The following ANKRD44 variants were observed in gnomAD, a reference collection of about 807,000 sequenced individuals.
ANKRD44 encodes serine/threonine-protein phosphatase 6 regulatory ankyrin repeat subunit B.
Under a neutral mutation model 116.0 loss-of-function variants are expected in ANKRD44, and 35 were observed. The ratio of observed to expected loss-of-function variants is 0.30; its 90% CI spans 0.23 to 0.40. The LOEUF (loss-of-function observed/expected upper bound fraction) is 0.40, where lower values mean the gene tolerates loss of function less well. ANKRD44 is among the 10% of genes least tolerant of loss of function. The pLI is 1.00. For synonymous variants in ANKRD44, 435 were observed against 461.8 expected (o/e 0.94, Z 0.74); for missense variants, 1,014 against 1,242.6 (o/e 0.82, Z 2.77).
chr2:197,271,644 CT>C (rs1332680427), intron 1 of ANKRD44, among the ~76,000 whole-genome samples: 3 of 152,134 alleles, frequency 2.0e-5, no homozygotes, highest in Non-Finnish European at 4.4e-5. Context: ...TTGTTGGTTG[CT>C]TTGTTTTTGA....
intron 21 of ANKRD44, among the ~76,000 whole-genome samples, chr2:196,979,501 A>G (rs1279177431): frequency 2.1e-5 from 3 of 143,272 alleles, no homozygotes; most frequent in Non-Finnish European, 4.5e-5. Flanking sequence ...AGCATCAGCT[A>G]TTTTTACTAT....
intron 2 of ANKRD44, among the ~76,000 whole-genome samples, chr2:197,168,861 G>C (rs750913609): frequency 2.0e-5 from 3 of 152,046 alleles, no homozygotes; most frequent in Admixed American, 6.6e-5. Flanking sequence ...CATGGCCACT[G>C]CAAACACCCT....
At chr2:197,094,914 G>T (rs554211459) in intron 10 of ANKRD44, among the ~76,000 whole-genome samples, 1 of 152,144 alleles carries the variant, frequency 6.6e-6, no homozygotes, top group Non-Finnish European at 1.5e-5. Flanking sequence ...GCCCCTTCTC[G>T]ATCTGGCTGT....
In ANKRD44 at chr2:197,212,836, G is replaced by A. The variant is rs1052286497; in HGVS notation, c.28-25730C>T. 6.6e-6 allele frequency among the ~76,000 whole-genome samples: 1 copy of A among 152,110 alleles called. No homozygotes were observed. Among genetic ancestry groups the A allele is most frequent in the African/African-American group, 2.4e-5 (1 of 41,404 alleles). The stretch of plus-strand genomic sequence containing the variant: ...AGGAACTCGGTGATCACATGCCCAC[G>A]GTGAGAGAGAAAAAAGGAAACACGA... On this transcript the variant is annotated intron_variant, in intron 1 of 27. Coordinates refer to ENST00000282272, the MANE Select transcript of ANKRD44 (RefSeq NM_001195144.2). This position sits in a 1 kb window ranked among gnomAD's most constrained non-coding sequence, Gnocchi z 4.8.
intron 3 of ANKRD44, among the ~76,000 whole-genome samples, chr2:197,143,781 C>G (rs1239207747): frequency 6.6e-6 from 1 of 152,116 alleles, no homozygotes; most frequent in Non-Finnish European, 1.5e-5. Flanking sequence ...AGGCACCCAC[C>G]ACCACATTCA....
chr2:197,018,270 C>G (rs1042214016), intron 17 of ANKRD44, among the ~76,000 whole-genome samples: 3 of 152,148 alleles, frequency 2.0e-5, no homozygotes, highest in Non-Finnish European at 4.4e-5. Flanking sequence ...ATACCAATAT[C>G]CAAAACTTTC....
intron 21 of ANKRD44, among the ~76,000 whole-genome samples, chr2:196,981,541 T>C (rs6726500): frequency 0.88 from 133,983 of 152,128 alleles, 59,627 homozygotes; most frequent in East Asian, 1. Flanking sequence ...TGTGGGAGGC[T>C]GAGGCAGGTG....
intron 1 of ANKRD44, among the ~76,000 whole-genome samples, chr2:197,295,576 A>T (rs2105891860): frequency 6.6e-6 from 1 of 152,258 alleles, no homozygotes; most frequent in South Asian, 2.1e-4. Flanking sequence ...GTAGTCTGCA[A>T]CCCCTGGGTT....
At chr2:197,205,235 G>A (rs1169526511) in intron 1 of ANKRD44, among the ~76,000 whole-genome samples, 1 of 152,164 alleles carries the variant, frequency 6.6e-6, no homozygotes, top group Non-Finnish European at 1.5e-5. Flanking sequence ...TGGGTCAAAT[G>A]TTATTTCTGG....
chr2:196,989,612 G>A lies in ANKRD44; in HGVS notation c.2961C>T (p.Thr987=), dbSNP rs1034611916. ...RSNGPRSTPG[T]AVQKEE is the part of the protein sequence containing the mutation. ...AGTCTCATTCTTCTTTTTGTACAGC[G>A]GTTCCAGGTGTGGAACGGGGTCCAT... is the stretch of plus-strand genomic sequence containing the variant. Residue 987 remains threonine, a synonymous_variant, in exon 28 of 28, where the codon ACC becomes ACT. Transcript: ENST00000282272. 27 of 1,549,864 alleles carry A rather than the reference G, an allele frequency of 1.7e-5. No homozygotes were observed. The African/African-American group carries it at 1.9e-4, about 11-fold the overall frequency.
chr2:197,108,909 T>C (rs1574472189), intron 9 of ANKRD44, among the ~76,000 whole-genome samples: 1 of 151,752 alleles, frequency 6.6e-6, no homozygotes, highest in South Asian at 2.1e-4. Flanking sequence ...AGCAAGAATA[T>C]CCAGGCAGGA....
At chr2:197,098,940 G>A (rs757915435) in intron 10 of ANKRD44, among the ~76,000 whole-genome samples, 1 of 152,250 alleles carries the variant, frequency 6.6e-6, no homozygotes, top group Non-Finnish European at 1.5e-5. Flanking sequence ...CCCCTCGGTG[G>A]TGCACAGCAT....
intron 4 of ANKRD44, among the ~76,000 whole-genome samples, chr2:197,132,945 G>A (rs898947811): frequency 6.6e-6 from 1 of 152,192 alleles, no homozygotes; most frequent in South Asian, 2.1e-4. Flanking sequence ...TTTGTATTGT[G>A]CCAAGTTGGC....
chr2:197,064,967 C>G (rs1435567136), intron 16 of ANKRD44, among the ~76,000 whole-genome samples: 1 of 152,168 alleles, frequency 6.6e-6, no homozygotes, highest in East Asian at 1.9e-4. Flanking sequence ...TAGACATCTA[C>G]AGAACTCTCC....
At chr2:196,970,171 C>T (rs1417762474) in intron 21 of ANKRD44, among the ~76,000 whole-genome samples, 3 of 152,208 alleles carry the variant, frequency 2.0e-5, no homozygotes, top group Non-Finnish European at 4.4e-5. Context: ...ATCTCCTTAA[C>T]CTCTTCTGTC....
Position 197,099,815 on chromosome 2 carries a change from C to T in ANKRD44, c.1100+1G>A, listed in dbSNP as rs1394395589. On this transcript the variant is annotated splice_donor_variant, in intron 10 of 27. Coordinates refer to ENST00000282272, the MANE Select transcript of ANKRD44 (RefSeq NM_001195144.2). LOFTEE classifies it high-confidence loss of function. ...TCCACCGTATTTTTGCGGTAACCTA[C>T]TTGGCTGTGTCAGCTCCGCTGGTTA... The T allele has an allele frequency of 6.2e-7, 1 of 1,613,800 alleles. No individual in the cohort carries two copies. The highest frequency in any genetic ancestry group is 1.7e-5 in the Admixed American group (1 of 59,900).
At chr2:196,982,314 T>G (rs991706597), downstream of ANKRD44, among the ~76,000 whole-genome samples, 12 of 151,958 alleles carry the variant, frequency 7.9e-5, no homozygotes, top group Non-Finnish European at 1.8e-4. Context: ...GAAAGTTAAT[T>G]GGCGATAGCA....
intron 1 of ANKRD44, among the ~76,000 whole-genome samples, chr2:197,211,999 G>A (rs2081335255): frequency 1.3e-5 from 2 of 151,796 alleles, no homozygotes; most frequent in Non-Finnish European, 2.9e-5. Context: ...GTAAGCTCAT[G>A]CACGGGAATT....
At chr2:197,286,306 T>C (rs1225464185) in intron 1 of ANKRD44, among the ~76,000 whole-genome samples, 4 of 152,218 alleles carry the variant, frequency 2.6e-5, no homozygotes, top group Admixed American at 1.3e-4. Context: ...GCAACCAAAA[T>C]TGGCTTTCAA....
Sources: allele counts gnomAD v4.1 joint callset (sites outside exome capture counted in the v4.1 genomes callset), GRCh38; gene constraint gnomAD v4.1.1; non-coding constraint Gnocchi (gnomAD v3.1); transcripts MANE v1.5; gene names NCBI Gene and HGNC (gene_info 2026-07-23, HGNC 2026-07-21).